Variants in DNM3 observed in about 807,000 individuals in gnomAD.
The protein encoded by DNM3 is dynamin-3.
DNM3 carries 47 observed loss-of-function variants against 101.6 expected under a neutral mutation model. The ratio of observed to expected loss-of-function variants is 0.46; its 90% CI spans 0.37 to 0.59. DNM3 has a LOEUF of 0.59. DNM3 is among the 20% of genes least tolerant of loss of function. The probability of loss-of-function intolerance (pLI) is 0.00; values close to 1 mark genes in which losing one functional copy is unlikely to be tolerated. For missense variants in DNM3, 849 were observed against 1,085.7 expected, an observed-to-expected ratio of 0.78 and a Z score of 3.06; for synonymous variants, 385 against 387.9, an observed-to-expected ratio of 0.99 and a Z score of 0.09.
intron 20 of DNM3, among the ~76,000 whole-genome samples, chr1:172,400,514 G>A (rs1440054470): frequency 6.6e-6 from 1 of 151,994 alleles, no homozygotes; most frequent in Non-Finnish European, 1.5e-5. Flanking sequence ...AAAATCACTT[G>A]TAAATCTCTG....
intron 1 of DNM3, among the ~76,000 whole-genome samples, chr1:171,857,524 T>C (rs1279731194): frequency 6.6e-6 from 1 of 152,190 alleles, no homozygotes; most frequent in Non-Finnish European, 1.5e-5. Flanking sequence ...CATTCTACCA[T>C]CAAGCTCAGG....
At chr1:172,065,046 A>G (rs1266102396) in intron 10 of DNM3, among the ~76,000 whole-genome samples, 1 of 152,148 alleles carries the variant, frequency 6.6e-6, no homozygotes, top group South Asian at 2.1e-4. Flanking sequence ...ACACAAATCA[A>G]TGCTCCTGCC....
At chr1:172,219,441 T>C (rs964252421) in intron 14 of DNM3, among the ~76,000 whole-genome samples, 1 of 151,026 alleles carries the variant, frequency 6.6e-6, no homozygotes, top group African/African-American at 2.4e-5. Flanking sequence ...AAAATAGACT[T>C]GTAAACAATG....
chr1:172,405,749 T>C (rs566282479), intron 20 of DNM3, among the ~76,000 whole-genome samples: 2 of 151,986 alleles, frequency 1.3e-5, no homozygotes, highest in East Asian at 1.9e-4. Flanking sequence ...TACATTTCCA[T>C]AGGTTACATG....
Position 172,196,808 on chromosome 1 carries a change from A to G in DNM3, c.1660-56765A>G, listed in dbSNP as rs1039503546. Among the ~76,000 whole-genome samples, 5 of 151,964 alleles carry G rather than the reference A, an allele frequency of 3.3e-5. No homozygotes were observed. The East Asian group carries it at 9.7e-4, about 29-fold the overall frequency. Reference sequence around the variant, plus strand: ...ATTCCTTATAGATGTTGGATATTAGACCTTTGTCAGATGCATAGTTTGCAA... The same window carrying G: ...ATTCCTTATAGATGTTGGATATTAGGCCTTTGTCAGATGCATAGTTTGCAA... On this transcript the variant is annotated intron_variant, in intron 14 of 20. Coordinates refer to ENST00000627582, the MANE Select transcript of DNM3 (RefSeq NM_015569.5).
chr1:172,060,180 C>T (rs201426188), intron 10 of DNM3, among the ~76,000 whole-genome samples: 26 of 129,084 alleles, frequency 2.0e-4, no homozygotes, highest in African/African-American at 4.2e-4. Flanking sequence ...CAAACCACTG[C>T]TCAAGGAAAT....
intron 14 of DNM3, among the ~76,000 whole-genome samples, chr1:172,146,014 C>T (rs12120556): frequency 0.32 from 48,047 of 151,916 alleles, 9,759 homozygotes; most frequent in East Asian, 0.62. Flanking sequence ...AAGCTAGAGT[C>T]GCCTCAAACA....
chr1:172,003,943 C>A (rs1389263664), intron 4 of DNM3, among the ~76,000 whole-genome samples: 1 of 151,964 alleles, frequency 6.6e-6, no homozygotes, highest in African/African-American at 2.4e-5. Flanking sequence ...AGTGCATCTG[C>A]ACCAAGCTTA....
intron 15 of DNM3, among the ~76,000 whole-genome samples, chr1:172,256,289 G>GCTGA (rs1490028047): frequency 6.6e-6 from 1 of 151,852 alleles, no homozygotes; most frequent in African/African-American, 2.4e-5. Context: ...TTAACTATTA[G>GCTGA]CTGACTGTTT....
intron 12 of DNM3, among the ~76,000 whole-genome samples, chr1:172,087,163 T>G (rs2053589892): frequency 6.6e-6 from 1 of 152,214 alleles, no homozygotes; most frequent in Admixed American, 6.5e-5. Context: ...TAATCACTCC[T>G]TCTTGAAGAG....
intron 1 of DNM3, among the ~76,000 whole-genome samples, chr1:171,864,957 A>G (rs967245944): frequency 2.0e-4 from 31 of 152,264 alleles, no homozygotes; most frequent in African/African-American, 7.2e-4. Flanking sequence ...ATCACTCATT[A>G]ATTTGCCTCT....
At chr1:172,138,301 T>G (rs1307538364) in intron 14 of DNM3, 1 of 146,978 alleles carries the variant, frequency 6.8e-6, no homozygotes, top group Non-Finnish European at 1.5e-5. Context: ...TCCTTTGGAA[T>G]ACTCTTTTTC....
intron 15 of DNM3, among the ~76,000 whole-genome samples, chr1:172,256,354 G>C (rs775848475): frequency 6.6e-6 from 1 of 151,904 alleles, no homozygotes; most frequent in Non-Finnish European, 1.5e-5. Context: ...TGGTAAGTAG[G>C]CTTTTAACTA....
Position 172,388,684 on chromosome 1 carries a change from C to G in DNM3, c.2397C>G (p.His799Gln). The change falls in exon 20 of 21, where the codon CAC (histidine) becomes CAG (glutamine). Residue 799 changes from histidine to glutamine, a missense_variant. Physicochemically the swap from His to Gln is conservative, Grantham distance 24 (BLOSUM62 0). This residue lies in a region of DNM3 where 256 missense variants were observed against 311.7 expected (regional missense o/e 0.82). Coordinates refer to ENST00000627582, the MANE Select transcript of DNM3 (RefSeq NM_015569.5). ...CTGCCATTCCCTCTCCTGGCCCCCA[C>G]TCTGGGGCTCCTCCAGTCCCATTCC... ...PAPAIPSPGPHSGAPPVPFRP... is the reference protein window; with the variant it reads ...PAPAIPSPGPQSGAPPVPFRP... 1 of 1,613,984 alleles carries G rather than the reference C, an allele frequency of 6.2e-7. No homozygotes were observed. The highest frequency in any genetic ancestry group is 8.5e-7 in the Non-Finnish European group (1 of 1,179,886).
At chr1:172,098,552 C>T (rs59097465) in intron 13 of DNM3, among the ~76,000 whole-genome samples, 42 of 152,228 alleles carry the variant, frequency 2.8e-4, no homozygotes, top group East Asian at 2.7e-3. Context: ...TCCTCCTCAG[C>T]TTACGAAGAT....
intron 4 of DNM3, among the ~76,000 whole-genome samples, chr1:172,023,022 T>C (rs1473509755): frequency 6.6e-6 from 1 of 152,158 alleles, no homozygotes; most frequent in African/African-American, 2.4e-5. Context: ...CTCTGTTTGG[T>C]TTGTTTGCAT....
chr1:171,981,612 A>G (rs976763206), intron 2 of DNM3, among the ~76,000 whole-genome samples: 10 of 152,214 alleles, frequency 6.6e-5, no homozygotes, highest in Non-Finnish European at 1.5e-4. Flanking sequence ...CAGTGCTAAA[A>G]TGTTTTAAAA....
Position 172,044,442 on chromosome 1 carries a change from C to T in DNM3, c.1186C>T (p.His396Tyr). 1 of 1,606,604 alleles carries T rather than the reference C, an allele frequency of 6.2e-7. No individual in the cohort carries two copies. Among genetic ancestry groups the T allele is most frequent in the Non-Finnish European group, 8.5e-7 (1 of 1,176,488 alleles). Residue 396 changes from histidine (H) to tyrosine (Y), a missense_variant, in exon 9 of 21, where the codon CAT (histidine) becomes TAT (tyrosine). Physicochemically the swap from His to Tyr is moderately conservative, Grantham distance 83. This residue lies in a region of DNM3 where 7 missense variants were observed against 29.2 expected (regional missense o/e 0.24). Coordinates refer to ENST00000627582, the MANE Select transcript of DNM3 (RefSeq NM_015569.5). ...REISYAIKNI[H>Y]GIRTGLFTPD... ...AATAAGCTATGCAATCAAAAACATA[C>T]ATGGTATCAGGCAAGTGATTCACAT... is the stretch of plus-strand genomic sequence containing the variant.
intron 4 of DNM3, among the ~76,000 whole-genome samples, chr1:172,013,502 T>C (rs1386763640): frequency 6.6e-6 from 1 of 152,100 alleles, no homozygotes; most frequent in East Asian, 1.9e-4. Context: ...GTTCCTGTTT[T>C]TGAAGAGACT....
Sources: gnomAD v4.1 joint callset for allele counts (sites outside exome capture counted in the v4.1 genomes callset) on GRCh38, gnomAD v4.1.1 for gene constraint, gnomAD v4.1.1 regional missense constraint, MANE v1.5 for transcripts, NCBI Gene and HGNC (gene_info 2026-07-23, HGNC 2026-07-21) for gene names.